Variants in YWHAZ observed in about 807,000 individuals in gnomAD.
YWHAZ encodes the protein tyrosine 3-monooxygenase/tryptophan 5-monooxygenase activation protein zeta, also known as 14-3-3 protein zeta/delta.
For missense variants in YWHAZ, 79 were observed against 284.8 expected (o/e 0.28, Z 5.20); for synonymous variants, 87 against 103.6 (o/e 0.84, Z 0.97).
At chr8:100,929,654 T>C (rs968427580) in intron 2 of YWHAZ, among the ~76,000 whole-genome samples, 3 of 152,182 alleles carry the variant, frequency 2.0e-5, no homozygotes, top group Admixed American at 2.0e-4. Context: ...ACGTGGTCTT[T>C]TTCAATTCTA....
intron 2 of YWHAZ, among the ~76,000 whole-genome samples, chr8:100,938,934 A>G (rs187729445): frequency 1.4e-4 from 22 of 152,380 alleles, no homozygotes; most frequent in East Asian, 1.2e-3. Context: ...GCCTAACAGA[A>G]TAAGATTTTA....
intron 5 of YWHAZ, 110 bp from the exon 6 acceptor site, chr8:100,920,862 A>T: frequency 1.1e-6 from 1 of 895,346 alleles, no homozygotes. Flanking sequence ...AAGCATTCTT[A>T]AAAAGATAGC....
upstream of YWHAZ, chr8:100,952,806 G>A: frequency 8.0e-6 from 8 of 1,000,280 alleles, no homozygotes; most frequent in Non-Finnish European, 8.4e-6. Flanking sequence ...GCCGACCGGG[G>A]CGCGCGGCCC....
Position 100,948,300 on chromosome 8 carries a change from A to G in YWHAZ, c.294+296T>C, listed in dbSNP as rs1368858181. On this transcript the variant is annotated intron_variant, in intron 2 of 5. Coordinates refer to ENST00000395958, the MANE Select transcript of YWHAZ (RefSeq NM_145690.3). The surrounding 1 kb of genome is among the most constrained non-coding windows in gnomAD (Gnocchi z 4.2). ...TAGAGCTACTACAAATATTCTAACCATAAGTAAAACAGTAACACAATTAGT... is the reference window on the plus strand; with the variant it reads ...TAGAGCTACTACAAATATTCTAACCGTAAGTAAAACAGTAACACAATTAGT... 3.8e-5 allele frequency: 25 copies of G among 657,334 alleles called. 1 individual carries two copies. In the South Asian group the frequency reaches 5.8e-4, roughly 15 times the overall value. The allele number at this position is 657,334 out of a possible 1,614,324, so 40.7% of individuals were successfully genotyped here. A position where few individuals can be genotyped will look rare whatever the true frequency, so the allele number is the denominator to read the frequency against.
At chr8:100,946,969 T>C (rs1216538593) in intron 2 of YWHAZ, among the ~76,000 whole-genome samples, 1 of 151,370 alleles carries the variant, frequency 6.6e-6, no homozygotes. Context: ...AATTTAAATA[T>C]TTGGCCGGGC....
intron 5 of YWHAZ, chr8:100,923,725 A>C (rs1419237654): frequency 3.3e-5 from 12 of 368,106 alleles, no homozygotes; most frequent in Non-Finnish European, 5.8e-5. Flanking sequence ...AATTTTAACA[A>C]GACAGGTAAC....
intron 2 of YWHAZ, among the ~76,000 whole-genome samples, chr8:100,936,571 C>T (rs149800916): frequency 3.3e-5 from 5 of 152,094 alleles, no homozygotes; most frequent in Admixed American, 1.3e-4. Context: ...GAGGCTAAGG[C>T]GGCCAAATCA....
chr8:100,933,070 T>C (rs1813870450), intron 2 of YWHAZ, among the ~76,000 whole-genome samples: 1 of 152,076 alleles, frequency 6.6e-6, no homozygotes, highest in Non-Finnish European at 1.5e-5. Context: ...ATGAAAATAG[T>C]TGTGACCTGG....
At position 100,948,552 on chromosome 8, in the gene YWHAZ, A is replaced by G; in HGVS notation, c.294+44T>C. The stretch of plus-strand genomic sequence containing the variant: ...TAAGAGTAATGTAACTGATACTCAT[A>G]GGGACCCTACAGTATAATGAAGCCA... On this transcript the variant is annotated intron_variant, in intron 2 of 5. Transcript: ENST00000395958. The surrounding 1 kb of genome is among the most constrained non-coding windows in gnomAD (Gnocchi z 4.2). 6.3e-7 allele frequency: 1 copy of G among 1,576,616 alleles called. No individual in the cohort carries two copies. The highest frequency in any genetic ancestry group is 8.6e-7 in the Non-Finnish European group (1 of 1,159,688).
intron 2 of YWHAZ, among the ~76,000 whole-genome samples, chr8:100,927,980 A>C (rs529493059): frequency 4.6e-5 from 7 of 152,314 alleles, no homozygotes; most frequent in African/African-American, 1.7e-4. Flanking sequence ...GATGCTGACC[A>C]TAAGAGTTGA....
intron 2 of YWHAZ, among the ~76,000 whole-genome samples, chr8:100,925,745 A>G (rs1194619190): frequency 1.3e-5 from 2 of 152,118 alleles, no homozygotes; most frequent in African/African-American, 2.4e-5. Context: ...ATTCTGTCTA[A>G]AACTACTATT....
At chr8:100,943,958 G>A (rs1300374392) in intron 2 of YWHAZ, among the ~76,000 whole-genome samples, 2 of 136,780 alleles carry the variant, frequency 1.5e-5, no homozygotes, top group African/African-American at 5.4e-5. Flanking sequence ...TTGCACTCCA[G>A]CCTAGGCGAC....
chr8:100,927,774 G>T (rs1261243041), intron 2 of YWHAZ, among the ~76,000 whole-genome samples: 3 of 152,184 alleles, frequency 2.0e-5, no homozygotes, highest in African/African-American at 7.2e-5. Flanking sequence ...GCTGAACTAA[G>T]CAGTTCCCTG....
Position 100,918,436 on chromosome 8 carries a change from A to ATATATT in YWHAZ, c.*2256_*2257insAATATA, listed in dbSNP as rs1350554698. ...TATATATATATATATATATATATATATATATATAATTATTTTACCTCCTTG... is the reference window on the plus strand; with the variant it reads ...TATATATATATATATATATATATATATATATTTATATATAATTATTTTACCTCCTTG... On this transcript the variant is annotated 3_prime_UTR_variant, in exon 6 of 6. Transcript: ENST00000395958. 5 of 106,288 alleles carry ATATATT rather than the reference A, an allele frequency of 4.7e-5. No individual in the cohort carries two copies. Among genetic ancestry groups the ATATATT allele is most frequent in the African/African-American group, 1.8e-4 (5 of 27,164 alleles). 6.6% of individuals were successfully genotyped at this position (106,288 alleles called of 1,614,324 possible).
intron 1 of YWHAZ, chr8:100,950,664 G>T (rs940293746): frequency 3.3e-5 from 30 of 909,296 alleles, no homozygotes; most frequent in African/African-American, 7.2e-5. Context: ...CCGTGGGGGG[G>T]GGGGAGAGAT....
chr8:100,952,266 C>T (rs1391972214), upstream of YWHAZ: 1 of 540,228 alleles, frequency 1.9e-6, no homozygotes, highest in Non-Finnish European at 2.4e-6. Context: ...ACTCCTCCCA[C>T]CCCGCTCGGC....
In YWHAZ at chr8:100,919,330, C is replaced by T. The variant is rs1812866870; in HGVS notation, c.*1363G>A. ...AAGTGATTTGGAAGCACAAAACTTA[C>T]AGTTAATGCTACCCAATGTCATGAT... On this transcript the variant is annotated 3_prime_UTR_variant, in exon 6 of 6. Coordinates refer to ENST00000395958, the MANE Select transcript of YWHAZ (RefSeq NM_145690.3). 1 of 152,610 alleles carries T rather than the reference C, an allele frequency of 6.6e-6. No homozygotes were observed. Among genetic ancestry groups the T allele is most frequent in the Non-Finnish European group, 1.5e-5 (1 of 68,044 alleles). The allele number at this position is 152,610 out of a possible 1,614,324, so 9.5% of individuals were successfully genotyped here. A position where few individuals can be genotyped will look rare whatever the true frequency, so the allele number is the denominator to read the frequency against.
Position 100,950,623 on chromosome 8 carries a change from G to A in YWHAZ, c.-12+1306C>T, listed in dbSNP as rs919837418. 1.3e-5 allele frequency: 13 copies of A among 985,398 alleles called. No homozygotes were observed. The South Asian group carries it at 4.2e-4, about 32-fold the overall frequency. 61.0% of individuals were successfully genotyped at this position (985,398 alleles called of 1,614,324 possible). On this transcript the variant is annotated intron_variant, in intron 1 of 5. Coordinates refer to ENST00000395958, the MANE Select transcript of YWHAZ (RefSeq NM_145690.3). ...TAATTCCTCCCCCCGACCGGAGCCA[G>A]AGGGAGGAGCAGCCCGCGCCCCCGC...
chr8:100,952,080 A>G (rs1810834998), upstream of YWHAZ: 1 of 986,990 alleles, frequency 1.0e-6, no homozygotes, highest in Admixed American at 6.2e-5. Context: ...TCCTCCAATC[A>G]CCAGCCCCGG....
Sources: allele counts gnomAD v4.1 joint callset (sites outside exome capture counted in the v4.1 genomes callset), GRCh38; gene constraint gnomAD v4.1.1; non-coding constraint Gnocchi (gnomAD v3.1); transcripts MANE v1.5; gene names NCBI Gene and HGNC (gene_info 2026-07-23, HGNC 2026-07-21).